The following GOLM2 variants were observed in gnomAD, a reference collection of about 807,000 sequenced individuals.
GOLM2 encodes the protein golgi membrane protein 2, also known as protein GOLM2.
A neutral mutation model predicts 55.9 loss-of-function variants in GOLM2; 26 were observed. The ratio of observed to expected loss-of-function variants is 0.47; its 90% CI spans 0.34 to 0.65. The LOEUF is 0.65. GOLM2 is among the 30% of genes least tolerant of loss of function. GOLM2 has a pLI of 0.01. For synonymous variants in GOLM2, 165 were observed against 194.6 expected (o/e 0.85, Z 1.27); for missense variants, 486 against 531.8 (o/e 0.91, Z 0.85).
chr15:44,338,449 CCCATTAATTG>C, intron 6 of GOLM2, 132 bp downstream of exon 6: 2 of 641,692 alleles, frequency 3.1e-6, no homozygotes, highest in South Asian at 5.6e-5. Context: ...TAATTAAGTA[CCCATTAATTG>C]CCAGGACTTT....
intron 8 of GOLM2, among the ~76,000 whole-genome samples, chr15:44,397,191 C>T (rs2079531973): frequency 6.6e-6 from 1 of 151,882 alleles, no homozygotes; most frequent in Admixed American, 6.6e-5. Flanking sequence ...TGTTAATACA[C>T]ATCATAGGCC....
intron 6 of GOLM2, among the ~76,000 whole-genome samples, chr15:44,377,099 A>T (rs2079369676): frequency 6.6e-6 from 1 of 152,198 alleles, no homozygotes; most frequent in Admixed American, 6.5e-5. Context: ...GGAGCTGGGC[A>T]TGATGGCTCA....
chr15:44,296,395 C>T (rs2078756916), intron 1 of GOLM2, among the ~76,000 whole-genome samples: 1 of 152,180 alleles, frequency 6.6e-6, no homozygotes, highest in Non-Finnish European at 1.5e-5. Context: ...AGGTTTGAAG[C>T]TGAATAGTAA....
In GOLM2 at chr15:44,413,440, CT is replaced by C; in HGVS notation, c.*35del. 5 of 1,456,128 alleles carry C rather than the reference CT, an allele frequency of 3.4e-6. No individual in the cohort carries two copies. Among genetic ancestry groups the C allele is most frequent in the Non-Finnish European group, 3.8e-6 (4 of 1,046,708 alleles). 90.2% of individuals were successfully genotyped at this position (1,456,128 alleles called of 1,614,324 possible). On this transcript the variant is annotated 3_prime_UTR_variant, in exon 10 of 10. Coordinates refer to ENST00000299957, the MANE Select transcript of GOLM2 (RefSeq NM_138423.4). ...GGAATGCTTCAGAAAACCTAAAGTG[CT>C]GTAAAATGAAATCATTCTACTTTGT...
chr15:44,390,136 A>G (rs893007882), intron 8 of GOLM2: 16 of 152,230 alleles, frequency 1.1e-4, no homozygotes, highest in Middle Eastern at 3.2e-3. Context: ...ATTTTGGGGT[A>G]TATTTCACCA....
Position 44,380,898 on chromosome 15 carries a change from A to G in GOLM2, c.994A>G (p.Ser332Gly). Residue 332 changes from serine to glycine, a missense_variant, in exon 8 of 10, where the codon AGT becomes GGT. Physicochemically the swap from Ser to Gly is moderately conservative, Grantham distance 56 (BLOSUM62 0). Transcript: ENST00000299957. The part of the protein sequence containing the change: ...QRLIPGSNLD[S>G]EPRIQTDILK... ...TTTAATTCCAGGCTCAAACTTGGACAGTGAACCCAGAATTCAAACAGATAT... is the reference window on the plus strand; with the variant it reads ...TTTAATTCCAGGCTCAAACTTGGACGGTGAACCCAGAATTCAAACAGATAT... The G allele has an allele frequency of 5.0e-6, 8 of 1,602,688 alleles. No homozygotes were observed. The highest frequency in any genetic ancestry group is 6.8e-6 in the Non-Finnish European group (8 of 1,174,044).
chr15:44,349,173 C>T (rs1270326153), intron 6 of GOLM2, among the ~76,000 whole-genome samples: 1 of 150,688 alleles, frequency 6.6e-6, no homozygotes, highest in Non-Finnish European at 1.5e-5. Context: ...GCAGGAGAAT[C>T]GCTTGAACCC....
chr15:44,358,486 G>T (rs2079212583), intron 6 of GOLM2, among the ~76,000 whole-genome samples: 1 of 152,146 alleles, frequency 6.6e-6, no homozygotes, highest in Non-Finnish European at 1.5e-5. Context: ...CAGTAATCAA[G>T]ACAGTATGGT....
At chr15:44,308,229 C>G (rs2078851788) in intron 1 of GOLM2, 1 of 152,180 alleles carries the variant, frequency 6.6e-6, no homozygotes, top group Non-Finnish European at 1.5e-5. Context: ...CATTGCCCTT[C>G]CCTCCAGCCT....
rs1220000145 is a variant in GOLM2, at chr15:44,414,702, T to C, written c.*1296T>C. 3 of 152,416 alleles carry C rather than the reference T, an allele frequency of 2.0e-5. No individual in the cohort carries two copies. Among genetic ancestry groups the C allele is most frequent in the African/African-American group, 4.8e-5 (2 of 41,458 alleles). The allele number at this position is 152,416 out of a possible 1,614,324, so 9.4% of individuals were successfully genotyped here. On this transcript the variant is annotated 3_prime_UTR_variant, in exon 10 of 10. Coordinates refer to ENST00000299957, the MANE Select transcript of GOLM2 (RefSeq NM_138423.4). ...AGGTTTTTATTAATGCACAGATAAATAGAAGTACAGTGAGGTCTATAGCCA... is the reference window on the plus strand; with the variant it reads ...AGGTTTTTATTAATGCACAGATAAACAGAAGTACAGTGAGGTCTATAGCCA...
intron 3 of GOLM2, among the ~76,000 whole-genome samples, chr15:44,331,530 C>G (rs2079022309): frequency 6.6e-6 from 1 of 152,190 alleles, no homozygotes; most frequent in African/African-American, 2.4e-5. Flanking sequence ...TCCTAGTATT[C>G]TATGGTTTAG....
chr15:44,398,253 TTATC>T lies in GOLM2; in HGVS notation c.1073-4632_1073-4629del, dbSNP rs1422667871. Among the ~76,000 whole-genome samples the T allele has an allele frequency of 2.6e-5, 4 of 152,382 alleles. No individual in the cohort carries two copies. In the East Asian group the frequency reaches 7.7e-4, roughly 29 times the overall value. ...TACTATCACTTCCTAATTTGTTTAC[TTATC>T]TGTTTTCCTTACTAAGTTATAGGAG... On this transcript the variant is annotated intron_variant, in intron 8 of 9. Coordinates refer to ENST00000299957, the MANE Select transcript of GOLM2 (RefSeq NM_138423.4).
intron 8 of GOLM2, among the ~76,000 whole-genome samples, chr15:44,401,688 T>C (rs2079566148): frequency 6.6e-6 from 1 of 152,256 alleles, no homozygotes; most frequent in Admixed American, 6.5e-5. Flanking sequence ...TTATGCTAAG[T>C]TAAACTTAAT....
At chr15:44,407,043 G>GTA (rs928935626) in intron 9 of GOLM2, among the ~76,000 whole-genome samples, 26 of 146,770 alleles carry the variant, frequency 1.8e-4, no homozygotes, top group African/African-American at 5.9e-4. Flanking sequence ...ATATATGTAA[G>GTA]TATATATATA....
chr15:44,327,384 C>G (rs1385336874), intron 2 of GOLM2, among the ~76,000 whole-genome samples: 1 of 151,842 alleles, frequency 6.6e-6, no homozygotes, highest in African/African-American at 2.4e-5. Context: ...GTGAGACCAT[C>G]TCTATAAATA....
chr15:44,289,941 A>G lies in GOLM2; in HGVS notation c.327+585A>G, dbSNP rs2078708441. Among the ~76,000 whole-genome samples the G allele has an allele frequency of 6.6e-6, 1 of 152,210 alleles. No homozygotes were observed. Among genetic ancestry groups the G allele is most frequent in the Admixed American group, 6.5e-5 (1 of 15,282 alleles). On this transcript the variant is annotated intron_variant, in intron 1 of 9. Transcript: ENST00000299957. This position sits in a 1 kb window ranked among gnomAD's most constrained non-coding sequence, Gnocchi z 4.8. Reference sequence around the variant, plus strand: ...TGGGCCCTCGAGCTATATGTGAGACACACTTGTGTCTTGGACATAGTTGAT... The same window carrying G: ...TGGGCCCTCGAGCTATATGTGAGACGCACTTGTGTCTTGGACATAGTTGAT...
At chr15:44,409,184 T>C (rs559325416) in intron 9 of GOLM2, among the ~76,000 whole-genome samples, 1 of 149,970 alleles carries the variant, frequency 6.7e-6, no homozygotes, top group East Asian at 2.0e-4. Flanking sequence ...CTCGGGAGGC[T>C]GAGGCAGGAG....
intron 1 of GOLM2, chr15:44,308,052 G>A (rs953767742): frequency 1.2e-4 from 19 of 152,148 alleles, no homozygotes; most frequent in African/African-American, 4.3e-4. Flanking sequence ...TTTTATTGTG[G>A]TAAAACATCT....
At chr15:44,316,052 G>A (rs2078906965) in intron 1 of GOLM2, among the ~76,000 whole-genome samples, 1 of 152,028 alleles carries the variant, frequency 6.6e-6, no homozygotes, top group African/African-American at 2.4e-5. Flanking sequence ...AATATATTTA[G>A]AAAAAAAGTG....
Sources: allele counts gnomAD v4.1 joint callset (sites outside exome capture counted in the v4.1 genomes callset), GRCh38; gene constraint gnomAD v4.1.1; non-coding constraint Gnocchi (gnomAD v3.1); transcripts MANE v1.5; gene names NCBI Gene and HGNC (gene_info 2026-07-23, HGNC 2026-07-21).